The following ST18 variants were observed in gnomAD, a reference collection of about 807,000 sequenced individuals.
ST18 encodes the protein suppression of tumorigenicity 18 protein.
In ST18, 50 loss-of-function variants were observed where a neutral mutation model predicts 110.0. That is an observed-to-expected ratio of 0.45 (90% confidence interval 0.36 to 0.58). ST18 has a LOEUF of 0.58. Among genes scored for constraint, ST18 ranks in the 20% least tolerant of loss-of-function variants. The probability of loss-of-function intolerance (pLI) is 0.00; values close to 1 mark genes in which losing one functional copy is unlikely to be tolerated. For missense variants in ST18, 1,306 were observed against 1,280.1 expected (o/e 1.02, Z -0.31); for synonymous variants, 461 against 452.4 (o/e 1.02, Z -0.24).
intron 2 of ST18, among the ~76,000 whole-genome samples, chr8:52,237,089 G>C (rs1390264341): frequency 1.3e-5 from 2 of 152,156 alleles, no homozygotes; most frequent in Non-Finnish European, 2.9e-5. Flanking sequence ...TCCCTCTAGA[G>C]CTCCAAGGAT....
intron 10 of ST18, among the ~76,000 whole-genome samples, 166 bp from the exon 11 acceptor site, chr8:52,167,152 G>A (rs917443909): frequency 2.6e-5 from 4 of 152,142 alleles, no homozygotes; most frequent in Non-Finnish European, 4.4e-5. Flanking sequence ...CTGTGGAAAC[G>A]GAAAACATGT....
chr8:52,182,362 A>C (rs1232964060), intron 8 of ST18, among the ~76,000 whole-genome samples: 1 of 152,216 alleles, frequency 6.6e-6, no homozygotes, highest in Non-Finnish European at 1.5e-5. Context: ...TGTTCATTGC[A>C]ACTATCCCCA....
At chr8:52,216,263 AG>A (rs750963050) in intron 6 of ST18, among the ~76,000 whole-genome samples, 24 of 152,180 alleles carry the variant, frequency 1.6e-4, no homozygotes, top group Non-Finnish European at 2.6e-4. Flanking sequence ...TCACCACTCC[AG>A]GCAGCCGCTC....
chr8:52,118,446 A>G lies in ST18; in HGVS notation c.2756-5T>C. 4 of 1,567,354 alleles carry G rather than the reference A, an allele frequency of 2.6e-6. No individual in the cohort carries two copies. The highest frequency in any genetic ancestry group is 3.5e-6 in the Non-Finnish European group (4 of 1,144,072). On this transcript the variant is annotated splice_polypyrimidine_tract_variant and splice_region_variant and intron_variant, in intron 23 of 25. Transcript: ENST00000689386. The stretch of plus-strand genomic sequence containing the variant: ...TTTCTTCATCACTCTCTATTCCTGT[A>G]AAGAGTAAGACTACCTTAGTTCAAA...
chr8:52,144,408 C>T (rs180772184), intron 16 of ST18, among the ~76,000 whole-genome samples: 2 of 151,802 alleles, frequency 1.3e-5, no homozygotes, highest in Non-Finnish European at 2.9e-5. Flanking sequence ...TATTCAAAAG[C>T]AATATGAAAA....
intron 15 of ST18, among the ~76,000 whole-genome samples, chr8:52,151,912 A>C (rs2058911776): frequency 6.6e-6 from 1 of 152,244 alleles, no homozygotes; most frequent in African/African-American, 2.4e-5. Flanking sequence ...AAAACCCATA[A>C]ATAGTGCAGA....
chr8:52,208,431 G>T (rs1036486762), intron 8 of ST18, among the ~76,000 whole-genome samples: 8 of 152,162 alleles, frequency 5.3e-5, no homozygotes, highest in African/African-American at 1.9e-4. Context: ...AAATTTAAAA[G>T]ATGCTAAAAA....
intron 22 of ST18, among the ~76,000 whole-genome samples, chr8:52,130,163 GAA>G (rs373425785): frequency 2.1e-5 from 3 of 144,240 alleles, no homozygotes; most frequent in Admixed American, 2.1e-4. Flanking sequence ...AAGAAAGAAA[GAA>G]AAAGAAAAGA....
intron 14 of ST18, among the ~76,000 whole-genome samples, chr8:52,160,637 G>A (rs995511443): frequency 6.6e-5 from 10 of 152,036 alleles, no homozygotes; most frequent in African/African-American, 2.4e-4. Flanking sequence ...ACCTCTATTG[G>A]TTCCCAATAT....
intron 9 of ST18, among the ~76,000 whole-genome samples, chr8:52,177,263 G>C: frequency 6.6e-6 from 1 of 152,306 alleles, no homozygotes; most frequent in Admixed American, 6.5e-5. Context: ...TCCCCTTAAC[G>C]GCAACCTGTA....
At chr8:52,318,640 T>A (rs2096070621) in intron 2 of ST18, among the ~76,000 whole-genome samples, 1 of 152,202 alleles carries the variant, frequency 6.6e-6, no homozygotes, top group African/African-American at 2.4e-5. Flanking sequence ...AGACATGGAA[T>A]CAACCTAAAT....
rs575698648 is a variant in ST18 at position 52,274,806 on chromosome 8, T to A, written c.-464-44729A>T. 4.1e-4 allele frequency among the ~76,000 whole-genome samples: 63 copies of A among 152,322 alleles called. 2 individuals are homozygous for A. The South Asian group carries it at 0.013, about 31-fold the overall frequency. ...ATGTTTTGGAGTCTATAAAAAACGG[T>A]TAATTTCATAGTTTAATAATTCTTG... On this transcript the variant is annotated intron_variant, in intron 2 of 25. Coordinates refer to ENST00000689386, the MANE Select transcript of ST18 (RefSeq NM_001352837.2).
chr8:52,339,348 AC>A (rs1284647921), intron 2 of ST18, among the ~76,000 whole-genome samples: 1 of 152,062 alleles, frequency 6.6e-6, no homozygotes, highest in African/African-American at 2.4e-5. Context: ...CAACCTCTAG[AC>A]CCAGATCTCA....
At chr8:52,290,809 C>T (rs979198163) in intron 2 of ST18, among the ~76,000 whole-genome samples, 3 of 152,330 alleles carry the variant, frequency 2.0e-5, no homozygotes, top group South Asian at 2.1e-4. Flanking sequence ...GAGAACCTCA[C>T]GGCCTCTTGT....
At chr8:52,238,734 A>C (rs920885561) in intron 2 of ST18, among the ~76,000 whole-genome samples, 2 of 152,012 alleles carry the variant, frequency 1.3e-5, no homozygotes, top group African/African-American at 2.4e-5. Flanking sequence ...ACTAGATGCC[A>C]TTATCTTAAG....
chr8:52,401,289 A>G (rs1330740675), intron 2 of ST18, among the ~76,000 whole-genome samples: 1 of 152,138 alleles, frequency 6.6e-6, no homozygotes. Context: ...TTTTATTGTA[A>G]TATGACTTGG....
chr8:52,351,765 C>T (rs891111141), intron 2 of ST18, among the ~76,000 whole-genome samples: 3 of 152,154 alleles, frequency 2.0e-5, no homozygotes, highest in African/African-American at 7.2e-5. Flanking sequence ...AAAACTCCAT[C>T]GATCTAGCTT....
chr8:52,285,022 G>C (rs760227670), intron 2 of ST18, among the ~76,000 whole-genome samples: 1 of 152,132 alleles, frequency 6.6e-6, no homozygotes, highest in Non-Finnish European at 1.5e-5. Flanking sequence ...CTAACTATAC[G>C]AGCTGTTCAA....
intron 17 of ST18, among the ~76,000 whole-genome samples, chr8:52,139,034 G>T (rs887614004): frequency 4.0e-5 from 6 of 151,866 alleles, no homozygotes; most frequent in Non-Finnish European, 7.4e-5. Flanking sequence ...TGATTTTCAG[G>T]GTCTGATCCA....
Sources: gnomAD v4.1 joint callset for allele counts (sites outside exome capture counted in the v4.1 genomes callset) on GRCh38, gnomAD v4.1.1 for gene constraint, MANE v1.5 for transcripts, NCBI Gene and HGNC (gene_info 2026-07-23, HGNC 2026-07-21) for gene names.